Variants in MTNR1B observed in about 807,000 individuals in gnomAD.
MTNR1B encodes the protein melatonin receptor type 1B.
MTNR1B carries 7 observed loss-of-function variants against 7.0 expected under a neutral mutation model. The observed-to-expected ratio is 1.00, with a 90% CI of 0.57 to 1.88. The LOEUF (loss-of-function observed/expected upper bound fraction) is 1.88. MTNR1B is among the 40% of genes most tolerant of loss of function. MTNR1B has a pLI of 0.00. For synonymous variants in MTNR1B, 226 were observed against 208.2 expected, an observed-to-expected ratio of 1.09 and a Z score of -0.74; for missense variants, 478 against 486.5, an observed-to-expected ratio of 0.98 and a Z score of 0.16.
rs372695654 is a variant in MTNR1B, at chr11:92,982,213, G to A, written c.990G>A (p.Arg330=). 8.7e-6 allele frequency: 14 copies of A among 1,614,054 alleles called. No homozygotes were observed. Among genetic ancestry groups the A allele is most frequent in the Middle Eastern group, 1.6e-4 (1 of 6,084 alleles). The change falls in exon 2 of 2, where the codon CGG becomes CGA. Residue 330 remains arginine, a synonymous_variant. Transcript: ENST00000257068. ...TCCTCTTGGCCCTTTGGAACCCACG[G>A]CACTGCATTCAAGATGCTTCCAAGG... ...KRILLALWNP[R]HCIQDASKGS...
In MTNR1B at chr11:92,982,322, G is replaced by T. The variant is rs770730219; in HGVS notation, c.*10G>T. On this transcript the variant is annotated 3_prime_UTR_variant, in exon 2 of 2. Coordinates refer to ENST00000257068, the MANE Select transcript of MTNR1B (RefSeq NM_005959.5). ...GGCAGATGCTCTCTAGCCTGGATCTGAGGCACACCAGCAGCATGACAAACT... is the reference window on the plus strand; with the variant it reads ...GGCAGATGCTCTCTAGCCTGGATCTTAGGCACACCAGCAGCATGACAAACT... 42 of 1,602,958 alleles carry T rather than the reference G, an allele frequency of 2.6e-5. No homozygotes were observed. The highest frequency in any genetic ancestry group is 3.4e-5 in the Non-Finnish European group (40 of 1,175,896).
At chr11:92,976,918 C>A (rs1858016909) in intron 1 of MTNR1B, among the ~76,000 whole-genome samples, 6 of 152,140 alleles carry the variant, frequency 3.9e-5, no homozygotes, top group Admixed American at 3.9e-4. Context: ...TTAAGGAATT[C>A]TTGTGAAAAA....
intron 1 of MTNR1B, among the ~76,000 whole-genome samples, chr11:92,979,866 G>A (rs1211125329): frequency 1.3e-5 from 2 of 152,162 alleles, no homozygotes; most frequent in South Asian, 2.1e-4. Context: ...TTTGAGATGG[G>A]GTGAATGTGG....
rs547494981 is a variant in MTNR1B, at chr11:92,972,782, G to A, written c.223+2834G>A. ...TGCCCTGACCCTTGAGCTACACCTCGCTAATATTTATCTCTTGCATTTTTG... is the reference window on the plus strand; with the variant it reads ...TGCCCTGACCCTTGAGCTACACCTCACTAATATTTATCTCTTGCATTTTTG... On this transcript the variant is annotated intron_variant, in intron 1 of 1. Coordinates refer to ENST00000257068, the MANE Select transcript of MTNR1B (RefSeq NM_005959.5). 9.2e-5 allele frequency among the ~76,000 whole-genome samples: 14 copies of A among 152,190 alleles called. No individual in the cohort carries two copies. In the East Asian group the frequency reaches 2.1e-3, roughly 23 times the overall value.
chr11:92,972,957 A>G (rs953288018), intron 1 of MTNR1B, among the ~76,000 whole-genome samples: 6 of 152,098 alleles, frequency 3.9e-5, no homozygotes, highest in African/African-American at 1.4e-4. Flanking sequence ...CTTTTCAGCC[A>G]GACATTTTAA....
chr11:92,974,818 G>C (rs2136511738), intron 1 of MTNR1B, among the ~76,000 whole-genome samples: 1 of 152,284 alleles, frequency 6.6e-6, no homozygotes, highest in South Asian at 2.1e-4. Context: ...TAGCCAGGAT[G>C]GTCTCGATCT....
Position 92,981,559 on chromosome 11 carries a change from C to A in MTNR1B, c.336C>A (p.His112Gln), listed in dbSNP as rs149703897. The change falls in exon 2 of 2, where the codon CAC becomes CAA. Residue 112 changes from histidine to glutamine, a missense_variant. Transcript: ENST00000257068. The part of the protein sequence containing the change: ...FYDGWALGEE[H>Q]CKASAFVMGL... Reference sequence around the variant, plus strand: ...ACGGCTGGGCCCTGGGGGAGGAGCACTGCAAGGCCAGCGCCTTTGTGATGG... The same window carrying A: ...ACGGCTGGGCCCTGGGGGAGGAGCAATGCAAGGCCAGCGCCTTTGTGATGG... 5.0e-6 allele frequency: 8 copies of A among 1,614,198 alleles called. No homozygotes were observed. The South Asian group carries it at 8.8e-5, about 18-fold the overall frequency.
At chr11:92,977,705 C>T (rs1461695931) in intron 1 of MTNR1B, among the ~76,000 whole-genome samples, 1 of 152,232 alleles carries the variant, frequency 6.6e-6, no homozygotes, top group Non-Finnish European at 1.5e-5. Flanking sequence ...CTACTGTTTT[C>T]TTTTGTTTCC....
intron 1 of MTNR1B, among the ~76,000 whole-genome samples, chr11:92,978,151 A>AG (rs1391977400): frequency 6.6e-6 from 1 of 152,130 alleles, no homozygotes; most frequent in Non-Finnish European, 1.5e-5. Flanking sequence ...AGCACAGAGG[A>AG]GGGGGGCAAG....
At chr11:92,977,567 G>A (rs1482837587) in intron 1 of MTNR1B, among the ~76,000 whole-genome samples, 2 of 152,208 alleles carry the variant, frequency 1.3e-5, no homozygotes, top group East Asian at 3.8e-4. Flanking sequence ...GTAGCTCCTT[G>A]GTGAATTGTC....
intron 1 of MTNR1B, among the ~76,000 whole-genome samples, chr11:92,979,420 C>A (rs1046399326): frequency 1.3e-5 from 2 of 152,150 alleles, no homozygotes; most frequent in East Asian, 3.9e-4. Flanking sequence ...CCAAGCAGGT[C>A]CTTGTTGCAC....
chr11:92,984,760 T>A, downstream of MTNR1B: 1 of 409,998 alleles, frequency 2.4e-6, no homozygotes, highest in Non-Finnish European at 4.8e-6. Context: ...TTTGCCAGGG[T>A]TCGGCACTGA....
At position 92,982,175 on chromosome 11, in the gene MTNR1B, G is replaced by A. The variant is rs1565181382; in HGVS notation, c.952G>A (p.Glu318Lys). 2 of 1,614,198 alleles carry A rather than the reference G, an allele frequency of 1.2e-6. No individual in the cohort carries two copies. The highest frequency in any genetic ancestry group is 1.1e-5 in the South Asian group (1 of 91,082). ...YGLLNQNFRR[E>K]YKRILLALWN... ...GCTCTTGAACCAAAACTTCCGCAGG[G>A]AATACAAGAGGATCCTCTTGGCCCT... The change falls in exon 2 of 2, where the codon GAA becomes AAA. Residue 318 changes from glutamate (E) to lysine (K), a missense_variant. Glu to Lys is a moderately conservative substitution (Grantham distance 56). Transcript: ENST00000257068.
Position 92,969,846 on chromosome 11 carries a change from C to A in MTNR1B, c.121C>A (p.Pro41Thr), listed in dbSNP as rs778305772. Residue 41 changes from proline (P) to threonine (T), a missense_variant, in exon 1 of 2, where the codon CCA becomes ACA. Transcript: ENST00000257068. Reference sequence around the variant, plus strand: ...GACCCCTCGACCTCCCTGGGTGGCTCCAGCGCTGTCCGCGGTGCTCATCGT... The same window carrying A: ...GACCCCTCGACCTCCCTGGGTGGCTACAGCGCTGTCCGCGGTGCTCATCGT... ...SRTPRPPWVA[P>T]ALSAVLIVTT... The A allele has an allele frequency of 1.2e-6, 2 of 1,609,566 alleles. No homozygotes were observed. The highest frequency in any genetic ancestry group is 1.7e-6 in the Non-Finnish European group (2 of 1,178,874).
At chr11:92,979,900 C>T (rs888997596) in intron 1 of MTNR1B, among the ~76,000 whole-genome samples, 5 of 152,152 alleles carry the variant, frequency 3.3e-5, no homozygotes, top group Admixed American at 3.3e-4. Flanking sequence ...AGTCCTTTTC[C>T]TACCCTTGTG....
chr11:92,978,246 C>T (rs1337317948), intron 1 of MTNR1B, among the ~76,000 whole-genome samples: 1 of 152,160 alleles, frequency 6.6e-6, no homozygotes, highest in Non-Finnish European at 1.5e-5. Context: ...TCCTAGATTA[C>T]CAGATCTCCA....
At chr11:92,982,945 C>CA (rs770213452), downstream of MTNR1B, among the ~76,000 whole-genome samples, 2,085 of 93,230 alleles carry the variant, frequency 0.022, 120 homozygotes, top group Middle Eastern at 0.033. Flanking sequence ...CACCCCCCCC[C>CA]CCCACACACA....
At chr11:92,975,114 T>C (rs1392377765) in intron 1 of MTNR1B, among the ~76,000 whole-genome samples, 1 of 152,190 alleles carries the variant, frequency 6.6e-6, no homozygotes, top group Non-Finnish European at 1.5e-5. Context: ...GTGGCCACTT[T>C]TAAGCTGCCT....
At position 92,969,705 on chromosome 11, in the gene MTNR1B, C is replaced by T; in HGVS notation, c.-21C>T. 4 of 1,432,184 alleles carry T rather than the reference C, an allele frequency of 2.8e-6. No homozygotes were observed. The highest frequency in any genetic ancestry group is 1.5e-5 in the South Asian group (1 of 67,026). 88.7% of individuals were successfully genotyped at this position (1,432,184 alleles called of 1,614,324 possible). ...GTCCGGGGCCGCGCGGTGGCCAAAG[C>T]ACAGCGCGGGAGAGTCTGCGATGTC... On this transcript the variant is annotated 5_prime_UTR_variant, in exon 1 of 2. Transcript: ENST00000257068.
Sources: allele counts gnomAD v4.1 joint callset (sites outside exome capture counted in the v4.1 genomes callset), GRCh38; gene constraint gnomAD v4.1.1; transcripts MANE v1.5; gene names NCBI Gene and HGNC (gene_info 2026-07-23, HGNC 2026-07-21).